SYNE1: variants seen among roughly 807,000 people sequenced by gnomAD.
The protein encoded by SYNE1 is spectrin repeat containing nuclear envelope protein 1, also known as nesprin-1.
SYNE1 carries 616 observed loss-of-function variants against 1,111.0 expected under a neutral mutation model. The ratio of observed to expected loss-of-function variants is 0.55; its 90% CI spans 0.52 to 0.59. SYNE1 has a LOEUF of 0.59. Among genes scored for constraint, SYNE1 ranks in the 20% least tolerant of loss-of-function variants. The pLI is 0.00. For missense variants in SYNE1, 10,006 were observed against 10,417.0 expected (o/e 0.96, Z 1.72); for synonymous variants, 3,855 against 3,825.8 (o/e 1.01, Z -0.28).
rs2098100687 is a variant in SYNE1, at chr6:152,413,338, G to A, written c.6230+14C>T. ...GGGAAGCTAAAAACAAGAACTGGGT[G>A]GGTTTTGACTTACTTTTCATGAATT... On this transcript the variant is annotated intron_variant, in intron 42 of 145. Transcript: ENST00000367255. 2.5e-6 allele frequency: 4 copies of A among 1,614,076 alleles called. No homozygotes were observed. The highest frequency in any genetic ancestry group is 2.5e-6 in the Non-Finnish European group (3 of 1,179,968).
chr6:152,283,896 A>G, intron 96 of SYNE1, 82 bp downstream of exon 96: 1 of 1,157,358 alleles, frequency 8.6e-7, no homozygotes, highest in Non-Finnish European at 1.3e-6. Flanking sequence ...AAATGTAAAT[A>G]CGTAAGTAAC....
intron 27 of SYNE1, among the ~76,000 whole-genome samples, chr6:152,449,939 G>A (rs1297966829): frequency 2.6e-5 from 4 of 152,194 alleles, no homozygotes; most frequent in African/African-American, 4.8e-5. Flanking sequence ...CTGGCCTCGT[G>A]TGTCCCCACC....
chr6:152,230,399 A>T, intron 115 of SYNE1, 148 bp downstream of exon 115: 1 of 817,774 alleles, frequency 1.2e-6, no homozygotes, highest in Non-Finnish European at 2.0e-6. Context: ...AAACCCTATA[A>T]ACTCACAAAA....
Position 152,455,518 on chromosome 6 carries a change from C to A in SYNE1, c.2800G>T (p.Glu934Ter). Residue 934 changes from glutamate to a stop codon, truncating the protein, a stop_gained, in exon 24 of 146, where the codon GAG becomes TAG. Transcript: ENST00000367255. LOFTEE classifies it high-confidence loss of function. ...ACCTTCTCCAACTCTGCTCGAGACT[C>A]CTCAAACTTCTTCATCAAGCGACTG... ...TNSRLMKKFE[E>*]SRAELEKVLR... is the part of the protein sequence containing the mutation. 1 of 1,614,156 alleles carries A rather than the reference C, an allele frequency of 6.2e-7. No individual in the cohort carries two copies. The highest frequency in any genetic ancestry group is 8.5e-7 in the Non-Finnish European group (1 of 1,180,028).
chr6:152,612,514 C>T (rs1307364659), intron 3 of SYNE1, among the ~76,000 whole-genome samples: 1 of 152,014 alleles, frequency 6.6e-6, no homozygotes, highest in Non-Finnish European at 1.5e-5. Context: ...AATGGCCTAC[C>T]AACCAAAAAA....
chr6:152,363,358 G>C (rs990061034), intron 63 of SYNE1, among the ~76,000 whole-genome samples: 2 of 149,772 alleles, frequency 1.3e-5, no homozygotes, highest in African/African-American at 4.9e-5. Context: ...GCCGGGCATG[G>C]TGGCGGGCGC....
At chr6:152,269,019 T>G in intron 99 of SYNE1, 136 bp downstream of exon 99, 1 of 1,331,868 alleles carries the variant, frequency 7.5e-7, no homozygotes, top group Non-Finnish European at 1.1e-6. Context: ...CACCAACATC[T>G]TGCTTCATTC....
intron 3 of SYNE1, among the ~76,000 whole-genome samples, chr6:152,606,782 G>A (rs2099616079): frequency 1.3e-5 from 2 of 151,438 alleles, no homozygotes; most frequent in Non-Finnish European, 2.9e-5. Flanking sequence ...CAAGTGGCTG[G>A]GACTACAGGC....
At chr6:152,429,398 A>C (rs2098406530) in intron 36 of SYNE1, among the ~76,000 whole-genome samples, 1 of 152,188 alleles carries the variant, frequency 6.6e-6, no homozygotes, top group Non-Finnish European at 1.5e-5. Flanking sequence ...TGTATTAAGA[A>C]ATTACAAATA....
chr6:152,437,599 A>G (rs1481507845), intron 32 of SYNE1, among the ~76,000 whole-genome samples: 1 of 152,294 alleles, frequency 6.6e-6, no homozygotes, highest in Non-Finnish European at 1.5e-5. Flanking sequence ...TTGATTTAGT[A>G]TGTATGTGGC....
At chr6:152,519,857 A>T (rs1180059452) in intron 6 of SYNE1, among the ~76,000 whole-genome samples, 1 of 152,190 alleles carries the variant, frequency 6.6e-6, no homozygotes, top group Non-Finnish European at 1.5e-5. Flanking sequence ...CAGTAATAAG[A>T]CATATCAGCA....
At chr6:152,312,425 T>G (rs1022288785) in intron 87 of SYNE1, among the ~76,000 whole-genome samples, 1 of 151,054 alleles carries the variant, frequency 6.6e-6, no homozygotes, top group African/African-American at 2.4e-5. Flanking sequence ...GTCAGGCTGG[T>G]CTCAAACTCC....
In SYNE1 at chr6:152,202,003, G is replaced by A. The variant is rs944194040; in HGVS notation, c.23020-54C>T. 1.4e-5 allele frequency: 23 copies of A among 1,600,188 alleles called. No homozygotes were observed. The Admixed American group carries it at 3.7e-4, about 26-fold the overall frequency. ...AGATGTTTTTGATGTAGGAAACTGG[G>A]GGGGGAAAAGAAAAGAAACACTCTT... On this transcript the variant is annotated intron_variant, in intron 126 of 145. Transcript: ENST00000367255.
At chr6:152,476,376 G>A (rs890385004) in intron 14 of SYNE1, among the ~76,000 whole-genome samples, 4 of 152,114 alleles carry the variant, frequency 2.6e-5, no homozygotes, top group South Asian at 2.1e-4. Flanking sequence ...CTTCTTTCAC[G>A]GTATGTATCT....
At chr6:152,122,733 CT>C in intron 145 of SYNE1, 57 bp from the exon 146 acceptor site, 2 of 1,608,804 alleles carry the variant, frequency 1.2e-6, no homozygotes, top group Non-Finnish European at 1.7e-6. Flanking sequence ...AGGGACGCTG[CT>C]TTTTGCCTCT....
At position 152,234,599 on chromosome 6, in the gene SYNE1, T is replaced by C. The variant is rs1239793040; in HGVS notation, c.20529+69A>G. The C allele has an allele frequency of 1.1e-5, 17 of 1,597,014 alleles. No individual in the cohort carries two copies. In the East Asian group the frequency reaches 1.6e-4, roughly 15 times the overall value. On this transcript the variant is annotated intron_variant, in intron 111 of 145. Transcript: ENST00000367255. ...AGCCACCGCACCCGGCCTGACTTCT[T>C]TTCTACTGGTGTATGGGTCAGGCCT...
intron 56 of SYNE1, among the ~76,000 whole-genome samples, chr6:152,379,711 C>A (rs1245275030): frequency 2.6e-5 from 4 of 152,200 alleles, no homozygotes; most frequent in African/African-American, 9.6e-5. Context: ...CAGACATACA[C>A]AGAGGGCTGT....
chr6:152,570,215 C>A (rs1018660567), intron 3 of SYNE1, among the ~76,000 whole-genome samples: 31 of 152,134 alleles, frequency 2.0e-4, no homozygotes, highest in African/African-American at 6.8e-4. Flanking sequence ...TCTTTCTCAG[C>A]ACCAAGCTAT....
chr6:152,587,065 A>G (rs1257101751), intron 3 of SYNE1, among the ~76,000 whole-genome samples: 1 of 152,168 alleles, frequency 6.6e-6, no homozygotes, highest in African/African-American at 2.4e-5. Flanking sequence ...GCTTATCTTT[A>G]GAGAAGTCCA....
Sources: gnomAD v4.1 joint callset for allele counts (sites outside exome capture counted in the v4.1 genomes callset) on GRCh38, gnomAD v4.1.1 for gene constraint, MANE v1.5 for transcripts, NCBI Gene and HGNC (gene_info 2026-07-23, HGNC 2026-07-21) for gene names.